Variants in WWOX observed in about 807,000 individuals in gnomAD.
WWOX encodes the protein WW domain-containing oxidoreductase.
A neutral mutation model predicts 46.2 loss-of-function variants in WWOX; 69 were observed. That is an observed-to-expected ratio of 1.49 (90% CI 1.23 to 1.82). The LOEUF is 1.82. Among genes scored for constraint, WWOX ranks in the 40% most tolerant of loss-of-function variants. WWOX has a pLI of 0.00. For missense variants in WWOX, 919 were observed against 542.6 expected (o/e 1.69, Z -6.89); for synonymous variants, 359 against 202.6 (o/e 1.77, Z -6.56).
At chr16:78,849,463 A>G (rs559433182) in intron 8 of WWOX, among the ~76,000 whole-genome samples, 46 of 150,970 alleles carry the variant, frequency 3.0e-4, no homozygotes, top group African/African-American at 1.1e-3. Context: ...AGTCCCAGCT[A>G]CTGGGGAGGC....
intron 5 of WWOX, chr16:78,166,717 C>T (rs11643083): frequency 0.13 from 20,133 of 152,136 alleles, 1,578 homozygotes; most frequent in East Asian, 0.22. Flanking sequence ...CGTCACCATG[C>T]CCAGCTAATT....
intron 8 of WWOX, among the ~76,000 whole-genome samples, chr16:79,163,142 T>C (rs941810757): frequency 1.1e-4 from 16 of 152,232 alleles, no homozygotes; most frequent in African/African-American, 3.9e-4. Context: ...GTGTGTTTAC[T>C]TGGAGCTGTT....
At chr16:78,818,360 T>G (rs74031958) in intron 8 of WWOX, among the ~76,000 whole-genome samples, 40 of 152,160 alleles carry the variant, frequency 2.6e-4, no homozygotes, top group Middle Eastern at 3.4e-3. Flanking sequence ...CTCTGTTGAT[T>G]AGGGTTGGTT....
At chr16:78,198,193 A>G (rs760182537) in intron 5 of WWOX, among the ~76,000 whole-genome samples, 5 of 152,088 alleles carry the variant, frequency 3.3e-5, no homozygotes, top group African/African-American at 4.8e-5. Context: ...TTGTCTGGTC[A>G]TGCAGCTACT....
intron 8 of WWOX, among the ~76,000 whole-genome samples, chr16:78,915,498 C>T (rs997402051): frequency 2.6e-5 from 4 of 152,152 alleles, no homozygotes; most frequent in African/African-American, 4.8e-5. Context: ...AATGAGCCTA[C>T]ACAGAATGTC....
At chr16:79,011,415 C>T (rs1004681521) in intron 8 of WWOX, among the ~76,000 whole-genome samples, 31 of 151,590 alleles carry the variant, frequency 2.0e-4, no homozygotes, top group South Asian at 6.3e-4. Flanking sequence ...AATTCCCTTG[C>T]ATTTGGTTTT....
chr16:79,146,049 C>G (rs2050177311), intron 8 of WWOX, among the ~76,000 whole-genome samples: 1 of 152,126 alleles, frequency 6.6e-6, no homozygotes, highest in African/African-American at 2.4e-5. Flanking sequence ...TCTTTGATAA[C>G]ATAAATACCG....
At chr16:78,595,691 G>A (rs892111212) in intron 8 of WWOX, among the ~76,000 whole-genome samples, 4 of 152,220 alleles carry the variant, frequency 2.6e-5, no homozygotes, top group African/African-American at 9.6e-5. Flanking sequence ...TCCTCAGATA[G>A]CTGCTGGCAG....
intron 5 of WWOX, among the ~76,000 whole-genome samples, chr16:78,307,823 T>G (rs989835843): frequency 1.3e-5 from 2 of 152,106 alleles, no homozygotes; most frequent in African/African-American, 4.8e-5. Flanking sequence ...TCCTTACTCT[T>G]CTCCTTTTAC....
chr16:79,172,529 A>G (rs1012308773), intron 8 of WWOX, among the ~76,000 whole-genome samples: 1 of 152,046 alleles, frequency 6.6e-6, no homozygotes, highest in African/African-American at 2.4e-5. Context: ...CTCCTCACTG[A>G]GTGGCTGCAT....
chr16:78,903,544 G>A (rs2044882005), intron 8 of WWOX, among the ~76,000 whole-genome samples: 1 of 152,166 alleles, frequency 6.6e-6, no homozygotes, highest in African/African-American at 2.4e-5. Flanking sequence ...AAAGGTAAGG[G>A]GTTGCAAAAG....
chr16:78,412,048 C>T (rs984862125), intron 6 of WWOX, among the ~76,000 whole-genome samples: 2 of 152,112 alleles, frequency 1.3e-5, no homozygotes, highest in African/African-American at 4.8e-5. Flanking sequence ...GGGTGCCCTC[C>T]AGCAATGGAC....
chr16:78,326,585 C>CG (rs1028970645), intron 5 of WWOX, among the ~76,000 whole-genome samples: 1 of 103,508 alleles, frequency 9.7e-6, no homozygotes, highest in African/African-American at 4.2e-5. Flanking sequence ...CCGCCCCCCC[C>CG]CCCCGCAATG....
chr16:79,132,969 T>G (rs2049911002), intron 8 of WWOX, among the ~76,000 whole-genome samples: 1 of 152,226 alleles, frequency 6.6e-6, no homozygotes, highest in Admixed American at 6.5e-5. Context: ...TGCCTGGGTC[T>G]GTTCTGTCAC....
chr16:79,171,899 A>C (rs1406138653), intron 8 of WWOX, among the ~76,000 whole-genome samples: 1 of 152,178 alleles, frequency 6.6e-6, no homozygotes, highest in Non-Finnish European at 1.5e-5. Flanking sequence ...AATCCCAGGA[A>C]GCTAATTAGT....
intron 8 of WWOX, among the ~76,000 whole-genome samples, chr16:78,877,793 A>G (rs2044264188): frequency 6.6e-6 from 1 of 152,208 alleles, no homozygotes. Context: ...ATCTAGAAAT[A>G]TCCTTGGATG....
chr16:78,306,305 G>A (rs2080134417), intron 5 of WWOX, among the ~76,000 whole-genome samples: 1 of 152,110 alleles, frequency 6.6e-6, no homozygotes, highest in African/African-American at 2.4e-5. Flanking sequence ...TTCTAGAAGG[G>A]TGAGTCTAGC....
chr16:78,585,737 C>T (rs1207623269), intron 8 of WWOX, among the ~76,000 whole-genome samples: 1 of 150,724 alleles, frequency 6.6e-6, no homozygotes, highest in Non-Finnish European at 1.5e-5. Flanking sequence ...TTGGCTTCTC[C>T]ACAGAGGCCT....
At chr16:78,641,846 G>A (rs1038964567) in intron 8 of WWOX, among the ~76,000 whole-genome samples, 3 of 152,188 alleles carry the variant, frequency 2.0e-5, no homozygotes, top group African/African-American at 7.2e-5. Context: ...CAGAATTTCA[G>A]TTCAATACTT....
Sources: allele counts gnomAD v4.1 joint callset (sites outside exome capture counted in the v4.1 genomes callset), GRCh38; gene constraint gnomAD v4.1.1; transcripts MANE v1.5; gene names NCBI Gene and HGNC (gene_info 2026-07-23, HGNC 2026-07-21).